Variants in PCDHA9 observed in about 807,000 individuals in gnomAD.
The protein encoded by PCDHA9 is protocadherin alpha-9.
PCDHA9 carries 62 observed loss-of-function variants against 62.0 expected under a neutral mutation model. The observed-to-expected ratio is 1.00, with a 90% CI of 0.81 to 1.23. The LOEUF is 1.23. PCDHA9 is among the 50% of genes most tolerant of loss of function. PCDHA9 has a pLI of 0.00. For missense variants in PCDHA9, 1,205 were observed against 1,249.8 expected (o/e 0.96, Z 0.54); for synonymous variants, 557 against 567.6 (o/e 0.98, Z 0.27).
chr5:140,853,133 C>T (rs1646376725), intron 1 of PCDHA9: 1 of 642,274 alleles, frequency 1.6e-6, no homozygotes, highest in Non-Finnish European at 2.0e-6. Flanking sequence ...CCCGCCTCAG[C>T]CTCCCAAAAT....
At chr5:140,941,209 T>TCC (rs59604197) in intron 1 of PCDHA9, among the ~76,000 whole-genome samples, 12 of 126,888 alleles carry the variant, frequency 9.5e-5, no homozygotes, top group Admixed American at 4.0e-4. Flanking sequence ...CTTCCTTTCT[T>TCC]TCTTCCTTTC....
chr5:140,891,861 T>C (rs1346164388), intron 1 of PCDHA9, among the ~76,000 whole-genome samples: 1 of 152,174 alleles, frequency 6.6e-6, no homozygotes, highest in Non-Finnish European at 1.5e-5. Context: ...GTCCCTCTCT[T>C]ATGCTTTTGG....
chr5:140,927,256 C>T, intron 1 of PCDHA9: 1 of 1,614,144 alleles, frequency 6.2e-7, no homozygotes, highest in Non-Finnish European at 8.5e-7. Context: ...TGACAACTCA[C>T]CTCTCTTTCC....
chr5:140,915,006 C>A (rs958050012), intron 1 of PCDHA9, among the ~76,000 whole-genome samples: 2 of 149,102 alleles, frequency 1.3e-5, no homozygotes, highest in African/African-American at 5.0e-5. Flanking sequence ...AGTGCAGTGG[C>A]CTGATCTTGG....
In PCDHA9 at chr5:140,886,016, A is replaced by G. The variant is rs192748955; in HGVS notation, c.2394+35127A>G. Among the ~76,000 whole-genome samples the G allele has an allele frequency of 3.1e-3, 468 of 152,290 alleles. 3 individuals are homozygous for G. Among genetic ancestry groups the G allele is most frequent in the Middle Eastern group, 0.014 (4 of 294 alleles). On this transcript the variant is annotated intron_variant, in intron 1 of 3. Transcript: ENST00000532602. ...GAAAGAAATAGTAAAGGGAGATGCTATGTATTCTTCACTAAGTTTTCCCCA... is the reference window on the plus strand; with the variant it reads ...GAAAGAAATAGTAAAGGGAGATGCTGTGTATTCTTCACTAAGTTTTCCCCA...
intron 1 of PCDHA9, chr5:140,884,466 C>G (rs1212644572): frequency 2.5e-6 from 4 of 1,613,646 alleles, no homozygotes; most frequent in Non-Finnish European, 3.4e-6. Flanking sequence ...GGCGCGTGCG[C>G]GCCGGGCAAG....
chr5:140,999,295 T>G (rs1554256739), intron 3 of PCDHA9, among the ~76,000 whole-genome samples: 1 of 152,238 alleles, frequency 6.6e-6, no homozygotes, highest in Non-Finnish European at 1.5e-5. Context: ...ATTCTTTATT[T>G]CAGAATTTCT....
intron 1 of PCDHA9, among the ~76,000 whole-genome samples, chr5:140,855,580 ATAT>A (rs1320529577): frequency 6.7e-6 from 1 of 149,924 alleles, no homozygotes; most frequent in Non-Finnish European, 1.5e-5. Flanking sequence ...ATTTAATAAA[ATAT>A]TAGTATACTC....
chr5:140,910,514 T>C (rs1246361505), intron 1 of PCDHA9, among the ~76,000 whole-genome samples: 1 of 152,218 alleles, frequency 6.6e-6, no homozygotes, highest in African/African-American at 2.4e-5. Flanking sequence ...TCTTCAAGGA[T>C]GCAGGTACTC....
chr5:141,000,361 GTCTCTCTCTC>G lies in PCDHA9; in HGVS notation c.2543-9240_2543-9231del, dbSNP rs148596731. Reference sequence around the variant, plus strand: ...CCTATCTCTCTCTCTGTCTCTCTCTGTCTCTCTCTCTCTCTCTCTCTCTCTCTCTCTCTCT... The same window carrying G: ...CCTATCTCTCTCTCTGTCTCTCTCTGTCTCTCTCTCTCTCTCTCTCTCTCT... On this transcript the variant is annotated intron_variant, in intron 3 of 3. Transcript: ENST00000532602. 0.019 allele frequency among the ~76,000 whole-genome samples: 511 copies of G among 26,396 alleles called. 13 individuals carry two copies. In the Middle Eastern group the frequency reaches 0.2, roughly 10 times the overall value. The allele number at this position is 26,396 out of a possible 152,430, so 17.3% of individuals were successfully genotyped here.
chr5:140,939,904 T>A (rs1554213033), intron 1 of PCDHA9, among the ~76,000 whole-genome samples: 3 of 152,228 alleles, frequency 2.0e-5, no homozygotes, highest in Non-Finnish European at 2.9e-5. Context: ...TTCTGCATTC[T>A]TTTTTATTCT....
At chr5:140,994,864 G>A (rs2097653681) in intron 3 of PCDHA9, among the ~76,000 whole-genome samples, 1 of 152,114 alleles carries the variant, frequency 6.6e-6, no homozygotes, top group Non-Finnish European at 1.5e-5. Context: ...TGATGGATGT[G>A]GTAGAATAAA....
At chr5:140,952,180 T>C (rs1034052117) in intron 1 of PCDHA9, among the ~76,000 whole-genome samples, 4 of 151,968 alleles carry the variant, frequency 2.6e-5, no homozygotes, top group Admixed American at 2.0e-4. Context: ...CTGCAGCTGC[T>C]CTCATGGGTT....
Position 140,876,851 on chromosome 5 carries a change from A to G in PCDHA9, c.2394+25962A>G, listed in dbSNP as rs1554169034. ...GCGCCTGCGTTCGCGCAGCCCGAGT[A>G]CACAGTGTTCGTGAAGGAGAACAAC... On this transcript the variant is annotated intron_variant, in intron 1 of 3. Coordinates refer to ENST00000532602, the MANE Select transcript of PCDHA9 (RefSeq NM_031857.2). The G allele has an allele frequency of 5.0e-6, 8 of 1,613,986 alleles. No individual in the cohort carries two copies. In the Admixed American group the frequency reaches 1.3e-4, roughly 27 times the overall value.
At chr5:140,982,214 TG>T in intron 2 of PCDHA9, 1 of 485,000 alleles carries the variant, frequency 2.1e-6, no homozygotes, top group Non-Finnish European at 3.3e-6. Flanking sequence ...GAGCGCCACA[TG>T]GCGTTAATAA....
At chr5:140,941,558 A>G (rs903071259) in intron 1 of PCDHA9, among the ~76,000 whole-genome samples, 1 of 151,596 alleles carries the variant, frequency 6.6e-6, no homozygotes, top group African/African-American at 2.4e-5. Context: ...CTCGTGATCC[A>G]TTCGCCTCAG....
intron 1 of PCDHA9, among the ~76,000 whole-genome samples, chr5:140,973,993 G>T (rs1554235720): frequency 6.6e-6 from 1 of 152,122 alleles, no homozygotes. Flanking sequence ...ACTTCACCTG[G>T]ATCAATGTTT....
chr5:140,962,216 G>C (rs554182128), intron 1 of PCDHA9, among the ~76,000 whole-genome samples: 2 of 152,170 alleles, frequency 1.3e-5, no homozygotes, highest in African/African-American at 4.8e-5. Context: ...TATTGATCTT[G>C]AGGTTCAAGT....
chr5:140,994,233 T>A (rs2097606681), intron 3 of PCDHA9, among the ~76,000 whole-genome samples: 1 of 152,138 alleles, frequency 6.6e-6, no homozygotes, highest in Admixed American at 6.5e-5. Context: ...TATGTTATAA[T>A]CAATTCAAAC....
Sources: gnomAD v4.1 joint callset for allele counts (sites outside exome capture counted in the v4.1 genomes callset) on GRCh38, gnomAD v4.1.1 for gene constraint, MANE v1.5 for transcripts, NCBI Gene and HGNC (gene_info 2026-07-23, HGNC 2026-07-21) for gene names.